PDE4D: variants seen among roughly 807,000 people sequenced by gnomAD.
The protein encoded by PDE4D is 3',5'-cyclic-AMP phosphodiesterase 4D.
PDE4D carries 24 observed loss-of-function variants against 87.4 expected under a neutral mutation model. The ratio of observed to expected loss-of-function variants is 0.27; its 90% CI spans 0.20 to 0.39. PDE4D has a LOEUF of 0.39. Among genes scored for constraint, PDE4D ranks in the 10% least tolerant of loss-of-function variants. The pLI, the probability that PDE4D is intolerant of heterozygous loss-of-function variation, is 1.00. For missense variants in PDE4D, 714 were observed against 1,041.0 expected (o/e 0.69, Z 4.32); for synonymous variants, 384 against 383.2 (o/e 1.00, Z -0.02).
rs1360943964 is a variant in PDE4D, at chr5:59,271,644, C to T, written c.456-55676G>A. On this transcript the variant is annotated intron_variant, in intron 1 of 14. Transcript: ENST00000340635. ...AAGAGCTAATAAAAAAATTATAATC[C>T]TCCATTGGTCAGAGTTGCAAGAAAA... 2.6e-5 allele frequency among the ~76,000 whole-genome samples: 4 copies of T among 152,058 alleles called. No individual in the cohort carries two copies. The East Asian group carries it at 7.8e-4, about 29-fold the overall frequency.
chr5:59,493,052 A>G (rs1806509323), intron 1 of PDE4D, among the ~76,000 whole-genome samples: 1 of 152,178 alleles, frequency 6.6e-6, no homozygotes, highest in Non-Finnish European at 1.5e-5. Context: ...TATGATCTAT[A>G]TGGTCAATTC....
intron 2 of PDE4D, among the ~76,000 whole-genome samples, chr5:60,146,818 C>T (rs1386554310): frequency 2.0e-5 from 3 of 151,998 alleles, no homozygotes; most frequent in African/African-American, 4.8e-5. Flanking sequence ...GGTAAAGGAT[C>T]GGAATAGACA....
intron 1 of PDE4D, among the ~76,000 whole-genome samples, chr5:59,370,550 A>T (rs964707496): frequency 1.3e-5 from 2 of 152,210 alleles, no homozygotes; most frequent in Non-Finnish European, 2.9e-5. Flanking sequence ...TGACTTTTTA[A>T]TCTAAAATCA....
chr5:59,354,616 T>C (rs1781062639), intron 1 of PDE4D, among the ~76,000 whole-genome samples: 1 of 152,162 alleles, frequency 6.6e-6, no homozygotes, highest in Non-Finnish European at 1.5e-5. Flanking sequence ...CAGTACATTG[T>C]CGTGGCTGAA....
chr5:59,916,322 C>T (rs984946063), intron 3 of PDE4D, among the ~76,000 whole-genome samples: 6 of 152,044 alleles, frequency 3.9e-5, no homozygotes, highest in Non-Finnish European at 5.9e-5. Context: ...TATATACAAC[C>T]GTATTACAAG....
intron 1 of PDE4D, among the ~76,000 whole-genome samples, chr5:59,695,534 A>C (rs1285703242): frequency 6.6e-6 from 1 of 152,166 alleles, no homozygotes; most frequent in African/African-American, 2.4e-5. Context: ...TGCATATTGG[A>C]CCTTGAAGTC....
intron 2 of PDE4D, among the ~76,000 whole-genome samples, chr5:59,215,276 A>C (rs1287654259): frequency 6.6e-6 from 1 of 152,178 alleles, no homozygotes; most frequent in Non-Finnish European, 1.5e-5. Flanking sequence ...TAATTTTGGC[A>C]AAGTCCCACA....
chr5:59,890,208 T>G (rs1379320820), intron 1 of PDE4D, among the ~76,000 whole-genome samples: 1 of 151,776 alleles, frequency 6.6e-6, no homozygotes, highest in Non-Finnish European at 1.5e-5. Context: ...CTTGATAGAC[T>G]ATTTAAACCC....
Position 59,747,767 on chromosome 5 carries a change from T to G in PDE4D, c.455+145401A>C, listed in dbSNP as rs545181131. On this transcript the variant is annotated intron_variant, in intron 1 of 14. Transcript: ENST00000340635. ...CTTCTTTCTCATTTATTGTGAGGAC[T>G]GAACAATCAGCACTCCCATTAAGGG... is the stretch of plus-strand genomic sequence containing the variant. Among the ~76,000 whole-genome samples the G allele has an allele frequency of 3.7e-4, 56 of 152,310 alleles. No individual in the cohort carries two copies. In the South Asian group the frequency reaches 9.3e-3, roughly 25 times the overall value.
At chr5:59,818,287 T>C (rs1227368880) in intron 1 of PDE4D, among the ~76,000 whole-genome samples, 1 of 152,196 alleles carries the variant, frequency 6.6e-6, no homozygotes, top group Non-Finnish European at 1.5e-5. Flanking sequence ...GTTTGCTCAG[T>C]TGTGAAATGG....
chr5:59,689,505 T>C (rs550972325), intron 1 of PDE4D, among the ~76,000 whole-genome samples: 4 of 152,230 alleles, frequency 2.6e-5, no homozygotes, highest in East Asian at 1.9e-4. Flanking sequence ...AAAAGGCGTT[T>C]GACAAAATTC....
At chr5:59,684,753 T>C (rs1749579599) in intron 1 of PDE4D, among the ~76,000 whole-genome samples, 2 of 152,230 alleles carry the variant, frequency 1.3e-5, no homozygotes, top group African/African-American at 4.8e-5. Context: ...CCCTGCTTCC[T>C]GGTATTTACT....
chr5:59,849,658 C>A (rs1267702911), intron 1 of PDE4D, among the ~76,000 whole-genome samples: 2 of 151,608 alleles, frequency 1.3e-5, no homozygotes, highest in Non-Finnish European at 2.9e-5. Flanking sequence ...CATACATGGA[C>A]AAAAGAGAGT....
intron 1 of PDE4D, among the ~76,000 whole-genome samples, chr5:59,325,534 C>T (rs562860388): frequency 1.1e-4 from 16 of 152,112 alleles, no homozygotes; most frequent in Non-Finnish European, 2.2e-4. Context: ...TCTCAATATT[C>T]ATAAGGAAAT....
chr5:60,322,784 G>T (rs937505431), intron 1 of PDE4D, among the ~76,000 whole-genome samples: 21 of 152,018 alleles, frequency 1.4e-4, no homozygotes, highest in Non-Finnish European at 2.8e-4. Context: ...TATAAGTTTT[G>T]TCTCTCTGTT....
chr5:59,127,374 T>C (rs1775554367), intron 5 of PDE4D, among the ~76,000 whole-genome samples: 1 of 152,150 alleles, frequency 6.6e-6, no homozygotes, highest in South Asian at 2.1e-4. Context: ...ACAGTTTGTT[T>C]TATGTGCATG....
At chr5:59,729,439 A>G (rs564432939) in intron 1 of PDE4D, among the ~76,000 whole-genome samples, 1 of 152,242 alleles carries the variant, frequency 6.6e-6, no homozygotes. Context: ...AATTTATAAT[A>G]GCCATGATTT....
intron 3 of PDE4D, among the ~76,000 whole-genome samples, chr5:59,899,266 A>G (rs1315813553): frequency 6.6e-6 from 1 of 152,126 alleles, no homozygotes; most frequent in African/African-American, 2.4e-5. Context: ...TTAACTCTAC[A>G]TAGAAAACAC....
At chr5:59,415,691 T>C (rs1231792885) in intron 1 of PDE4D, among the ~76,000 whole-genome samples, 3 of 152,120 alleles carry the variant, frequency 2.0e-5, no homozygotes, top group Admixed American at 6.6e-5. Flanking sequence ...GTGATGTAAG[T>C]AAAAAATACA....
Sources: gnomAD v4.1 joint callset for allele counts (sites outside exome capture counted in the v4.1 genomes callset) on GRCh38, gnomAD v4.1.1 for gene constraint, MANE v1.5 for transcripts, NCBI Gene and HGNC (gene_info 2026-07-23, HGNC 2026-07-21) for gene names.